Variants in ANK2 observed in about 807,000 individuals in gnomAD.
The protein encoded by ANK2 is ankyrin 2, also known as ankyrin-2.
A neutral mutation model predicts 360.5 loss-of-function variants in ANK2; 83 were observed. That is an observed-to-expected ratio of 0.23 (90% CI 0.19 to 0.28). The LOEUF is 0.28. Ranked by LOEUF, ANK2 falls within the 10% of genes least tolerant of loss-of-function variation. The pLI, the probability that ANK2 is intolerant of heterozygous loss-of-function variation, is 1.00. For synonymous variants in ANK2, 1,740 were observed against 1,759.5 expected (o/e 0.99, Z 0.28); for missense variants, 4,201 against 4,795.7 (o/e 0.88, Z 3.66).
chr4:113,137,388 G>T (rs1463503440), intron 1 of ANK2, among the ~76,000 whole-genome samples: 18 of 152,192 alleles, frequency 1.2e-4, no homozygotes, highest in Admixed American at 1.2e-3. Flanking sequence ...AACACTTCAA[G>T]ATTGTCAGCT....
intron 1 of ANK2, chr4:113,145,893 T>G (rs2096812314): frequency 7.8e-7 from 1 of 1,289,662 alleles, no homozygotes; most frequent in African/African-American, 1.5e-5. Context: ...CCTCTGCTCT[T>G]CTTGCCATGC....
At chr4:112,978,783 G>C (rs2042211314) in intron 2 of ANK2, among the ~76,000 whole-genome samples, 1 of 152,074 alleles carries the variant, frequency 6.6e-6, no homozygotes, top group African/African-American at 2.4e-5. Flanking sequence ...ATGCTTCTAA[G>C]CCTATAATTT....
At chr4:113,047,764 G>A (rs2065022515), upstream of ANK2, among the ~76,000 whole-genome samples, 1 of 152,142 alleles carries the variant, frequency 6.6e-6, no homozygotes, top group Non-Finnish European at 1.5e-5. Context: ...AATGGCATTG[G>A]TGGAATGGGT....
chr4:112,788,466 C>T, the ANK2 span: 5 of 1,602,008 alleles, frequency 3.1e-6, no homozygotes, highest in African/African-American at 1.3e-5. Context: ...ACGGTGTTAA[C>T]TCCTGCTCAA....
At chr4:112,877,215 C>T (rs1178924775) in intron 1 of ANK2, among the ~76,000 whole-genome samples, 1 of 152,152 alleles carries the variant, frequency 6.6e-6, no homozygotes, top group Non-Finnish European at 1.5e-5. Context: ...TCCCCCATTG[C>T]CTCCTATTGC....
rs534143786 is a variant in ANK2 at position 113,102,738 on chromosome 4, G to A, written c.84+52926G>A. On this transcript the variant is annotated intron_variant, in intron 1 of 45. Transcript: ENST00000357077. The stretch of plus-strand genomic sequence containing the variant: ...TCAAATCTCTATGAGATTTGGCAAC[G>A]TGGAGGTCACTAGTAATTTAGTAAG... Among the ~76,000 whole-genome samples, 19 of 152,250 alleles carry A rather than the reference G, an allele frequency of 1.2e-4. No homozygotes were observed. The South Asian group carries it at 2.9e-3, about 23-fold the overall frequency.
chr4:113,142,163 C>G (rs1007116330), intron 1 of ANK2, among the ~76,000 whole-genome samples: 8 of 152,176 alleles, frequency 5.3e-5, no homozygotes, highest in Non-Finnish European at 1.2e-4. Context: ...TCCCGACTGT[C>G]TACTGGCAGA....
chr4:113,010,893 A>G (rs1268704166), intron 2 of ANK2, among the ~76,000 whole-genome samples: 1 of 152,146 alleles, frequency 6.6e-6, no homozygotes, highest in Non-Finnish European at 1.5e-5. Flanking sequence ...TACATTAGGT[A>G]ACATTTTCAG....
chr4:113,127,230 G>A (rs2095713766), intron 1 of ANK2, among the ~76,000 whole-genome samples: 1 of 152,018 alleles, frequency 6.6e-6, no homozygotes, highest in Non-Finnish European at 1.5e-5. Context: ...CGGTTCAGAT[G>A]TATATAATAT....
At chr4:113,271,272 G>T (rs114957203) in intron 14 of ANK2, among the ~76,000 whole-genome samples, 1 of 152,250 alleles carries the variant, frequency 6.6e-6, no homozygotes, top group African/African-American at 2.4e-5. Context: ...GGGCTCATGC[G>T]CATTCATGCG....
chr4:112,860,630 G>A (rs1206723058), intron 1 of ANK2, among the ~76,000 whole-genome samples: 1 of 152,132 alleles, frequency 6.6e-6, no homozygotes, highest in Non-Finnish European at 1.5e-5. Context: ...GTCTAAACTT[G>A]TATCACCGTC....
intron 2 of ANK2, among the ~76,000 whole-genome samples, chr4:113,008,410 G>A (rs575041313): frequency 3.3e-5 from 5 of 152,154 alleles, no homozygotes; most frequent in Admixed American, 2.6e-4. Context: ...TCACACTGGA[G>A]GTTTTCCACA....
At chr4:113,045,797 T>C (rs1483452527), upstream of ANK2, among the ~76,000 whole-genome samples, 1 of 152,166 alleles carries the variant, frequency 6.6e-6, no homozygotes, top group Non-Finnish European at 1.5e-5. Flanking sequence ...TATTTAAAAT[T>C]ATATATAGCT....
At chr4:113,004,097 G>A (rs2051839842) in intron 2 of ANK2, among the ~76,000 whole-genome samples, 1 of 152,160 alleles carries the variant, frequency 6.6e-6, no homozygotes, top group South Asian at 2.1e-4. Flanking sequence ...GAATGTGGAG[G>A]CCTAGAACAT....
Position 113,171,352 on chromosome 4 carries a change from C to T in ANK2, c.85-3064C>T, listed in dbSNP as rs7691329. The stretch of plus-strand genomic sequence containing the variant: ...TGACCTCATTGTAGGGTACGATGTG[C>T]TTGTGTCTATGTGGAAGGGAGAGAA... On this transcript the variant is annotated intron_variant, in intron 1 of 45. Coordinates refer to ENST00000357077, the MANE Select transcript of ANK2 (RefSeq NM_001148.6). Among the ~76,000 whole-genome samples, 296 of 152,226 alleles carry T rather than the reference C, an allele frequency of 1.9e-3. 2 individuals carry two copies. The highest frequency in any genetic ancestry group is 3.7e-3 in the Non-Finnish European group (252 of 68,000).
At chr4:112,742,200 T>C in the ANK2 span, among the ~76,000 whole-genome samples, 1 of 152,062 alleles carries the variant, frequency 6.6e-6, no homozygotes, top group African/African-American at 2.4e-5. Context: ...GAGGATCTCT[T>C]GAGCTCAGGA....
At chr4:113,242,275 T>A in intron 9 of ANK2, 66 bp downstream of exon 9, 2 of 1,354,966 alleles carry the variant, frequency 1.5e-6, no homozygotes, top group South Asian at 1.2e-5. Context: ...AGAAGGCACC[T>A]CAAGACACCA....
At chr4:113,347,627 AAAAG>A (rs1381301235) in intron 35 of ANK2, among the ~76,000 whole-genome samples, 1 of 152,146 alleles carries the variant, frequency 6.6e-6, no homozygotes, top group Non-Finnish European at 1.5e-5. Flanking sequence ...TTGTAACTCA[AAAAG>A]AAAAAAATCC....
At chr4:113,379,261 G>C (rs1206476747) in intron 45 of ANK2, among the ~76,000 whole-genome samples, 1 of 151,840 alleles carries the variant, frequency 6.6e-6, no homozygotes, top group Non-Finnish European at 1.5e-5. Context: ...TAACATCATG[G>C]GCTCTTCAAA....
Sources: allele counts gnomAD v4.1 joint callset (sites outside exome capture counted in the v4.1 genomes callset), GRCh38; gene constraint gnomAD v4.1.1; transcripts MANE v1.5; gene names NCBI Gene and HGNC (gene_info 2026-07-23, HGNC 2026-07-21).